PDE1C: variants seen among roughly 807,000 people sequenced by gnomAD.
The protein encoded by PDE1C is phosphodiesterase 1C, also known as dual specificity calcium/calmodulin-dependent 3',5'-cyclic nucleotide phosphodiesterase 1C.
A neutral mutation model predicts 93.1 loss-of-function variants in PDE1C; 62 were observed. The observed-to-expected ratio is 0.67, with a 90% CI of 0.54 to 0.82. The LOEUF (loss-of-function observed/expected upper bound fraction) is 0.82, where lower values mean the gene tolerates loss of function less well. Ranked by LOEUF, PDE1C falls within the 40% of genes least tolerant of loss-of-function variation. The pLI is 0.00. For missense variants in PDE1C, 742 were observed against 884.6 expected (o/e 0.84, Z 2.04); for synonymous variants, 325 against 310.1 (o/e 1.05, Z -0.50).
intron 2 of PDE1C, among the ~76,000 whole-genome samples, chr7:32,039,318 T>C (rs2128656172): frequency 6.6e-6 from 1 of 152,298 alleles, no homozygotes; most frequent in Non-Finnish European, 1.5e-5. Flanking sequence ...ATCAAAGATG[T>C]AGGATTATGA....
intron 2 of PDE1C, among the ~76,000 whole-genome samples, chr7:31,883,275 CA>C (rs1328421146): frequency 2.6e-5 from 4 of 152,118 alleles, no homozygotes; most frequent in Non-Finnish European, 4.4e-5. Flanking sequence ...AAAACAAAAA[CA>C]AAAACTTTAA....
intron 2 of PDE1C, among the ~76,000 whole-genome samples, chr7:31,993,200 CTG>C (rs1318741884): frequency 6.6e-6 from 1 of 152,198 alleles, no homozygotes; most frequent in Admixed American, 6.5e-5. Flanking sequence ...CAGAGAATAG[CTG>C]TGACTTTCCT....
At chr7:32,359,460 C>G (rs952144340) in intron 1 of PDE1C, among the ~76,000 whole-genome samples, 6 of 152,174 alleles carry the variant, frequency 3.9e-5, no homozygotes, top group Non-Finnish European at 7.3e-5. Flanking sequence ...ATCTTTCCCA[C>G]TAAATTGTAA....
intron 3 of PDE1C, among the ~76,000 whole-genome samples, chr7:32,076,526 C>T (rs974731408): frequency 6.6e-6 from 1 of 151,734 alleles, no homozygotes; most frequent in African/African-American, 2.4e-5. Flanking sequence ...GCCTGTAATC[C>T]CAGCTGCTCA....
chr7:31,766,023 A>C (rs191082943), intron 17 of PDE1C, among the ~76,000 whole-genome samples: 13 of 151,292 alleles, frequency 8.6e-5, no homozygotes, highest in Admixed American at 6.6e-4. Flanking sequence ...GTGAGGATTC[A>C]ATGACATAAT....
intron 12 of PDE1C, among the ~76,000 whole-genome samples, chr7:31,826,911 TAAA>T (rs1244112192): frequency 6.6e-6 from 1 of 152,182 alleles, no homozygotes; most frequent in African/African-American, 2.4e-5. Flanking sequence ...ACTCTGCCAC[TAAA>T]GTGCTAAAGC....
rs113160071 is a variant in PDE1C, at chr7:31,932,421, G to A, written c.129-51561C>T. 9.0e-3 allele frequency among the ~76,000 whole-genome samples: 1,364 copies of A among 152,130 alleles called. 22 individuals carry two copies. The highest frequency in any genetic ancestry group is 0.031 in the African/African-American group (1,277 of 41,516). On this transcript the variant is annotated intron_variant, in intron 2 of 17. Transcript: ENST00000396191. ...AAGTGGGTGAAGGATATGAGCAGAC[G>A]TTTCTCAAAAGAAGACATTTATGTG...
chr7:32,369,815 A>G (rs1295780773), intron 1 of PDE1C, among the ~76,000 whole-genome samples: 1 of 152,210 alleles, frequency 6.6e-6, no homozygotes, highest in East Asian at 1.9e-4. Context: ...GATGATCATT[A>G]AAAAGTCAGG....
intron 3 of PDE1C, among the ~76,000 whole-genome samples, chr7:32,149,633 G>C (rs1801115471): frequency 6.6e-6 from 1 of 152,192 alleles, no homozygotes; most frequent in African/African-American, 2.4e-5. Context: ...ATTTGTGGAT[G>C]TTTAAACATG....
At chr7:32,075,796 C>T (rs753174039), upstream of PDE1C, among the ~76,000 whole-genome samples, 8 of 152,162 alleles carry the variant, frequency 5.3e-5, no homozygotes, top group African/African-American at 7.2e-5. Context: ...ACAGTTTCTG[C>T]GCCTCTCTCT....
At chr7:31,990,145 T>C (rs1320076275) in intron 2 of PDE1C, among the ~76,000 whole-genome samples, 1 of 152,184 alleles carries the variant, frequency 6.6e-6, no homozygotes, top group Non-Finnish European at 1.5e-5. Context: ...ATGGGTGATA[T>C]GGTTGGCTCT....
At chr7:32,061,283 G>A (rs1399933889) in intron 1 of PDE1C, among the ~76,000 whole-genome samples, 3 of 152,214 alleles carry the variant, frequency 2.0e-5, no homozygotes, top group Non-Finnish European at 4.4e-5. Flanking sequence ...TGAATACCGG[G>A]TCCTTGCAAT....
the PDE1C span, chr7:31,656,132 C>A: frequency 1.6e-6 from 1 of 636,796 alleles, no homozygotes; most frequent in Non-Finnish European, 2.0e-6. Context: ...TATCACTTTG[C>A]TTTTTTGTTA....
the PDE1C span, among the ~76,000 whole-genome samples, chr7:31,689,266 G>A: frequency 2.0e-5 from 3 of 152,200 alleles, no homozygotes; most frequent in African/African-American, 7.2e-5. Context: ...AGTCTTTGTA[G>A]TAGACACAGT....
chr7:31,699,100 G>T, the PDE1C span, among the ~76,000 whole-genome samples: 1 of 152,178 alleles, frequency 6.6e-6, no homozygotes, highest in Admixed American at 6.5e-5. Context: ...TGCTAAAGCA[G>T]GGAAAAGGAG....
chr7:31,736,907 A>C, the PDE1C span, among the ~76,000 whole-genome samples: 2 of 152,054 alleles, frequency 1.3e-5, no homozygotes, highest in Non-Finnish European at 2.9e-5. Flanking sequence ...TCTAATTACA[A>C]ACTAGTTGTT....
chr7:31,897,353 G>T (rs947594835), intron 2 of PDE1C, among the ~76,000 whole-genome samples: 3 of 152,310 alleles, frequency 2.0e-5, no homozygotes, highest in Admixed American at 1.3e-4. Flanking sequence ...CAAAGGTAAT[G>T]GGCAGAAAAC....
intron 1 of PDE1C, among the ~76,000 whole-genome samples, chr7:32,246,957 C>T (rs1809007068): frequency 6.6e-6 from 1 of 152,188 alleles, no homozygotes. Context: ...AAATAAAATA[C>T]AGTCTGCCTT....
chr7:32,194,460 C>T (rs891671953), intron 2 of PDE1C, among the ~76,000 whole-genome samples: 2 of 152,184 alleles, frequency 1.3e-5, no homozygotes, highest in African/African-American at 2.4e-5. Flanking sequence ...TTCTACTTTA[C>T]ATATTTTCCA....
Sources: gnomAD v4.1 joint callset for allele counts (sites outside exome capture counted in the v4.1 genomes callset) on GRCh38, gnomAD v4.1.1 for gene constraint, MANE v1.5 for transcripts, NCBI Gene and HGNC (gene_info 2026-07-23, HGNC 2026-07-21) for gene names.